Variants in HENMT1 observed in about 807,000 individuals in gnomAD.
The protein encoded by HENMT1 is HEN methyltransferase 1.
A neutral mutation model predicts 31.1 loss-of-function variants in HENMT1; 27 were observed. That is an observed-to-expected ratio of 0.87 (90% CI 0.64 to 1.20). The LOEUF is 1.20. HENMT1 is among the 50% of genes most tolerant of loss of function. The pLI, the probability that HENMT1 is intolerant of heterozygous loss-of-function variation, is 0.00. For synonymous variants in HENMT1, 167 were observed against 172.2 expected (o/e 0.97, Z 0.24); for missense variants, 438 against 469.6 (o/e 0.93, Z 0.62).
At chr1:108,649,854 A>G (rs965531785) in intron 7 of HENMT1, 7 of 361,648 alleles carry the variant, frequency 1.9e-5, no homozygotes, top group Non-Finnish European at 3.7e-5. Context: ...AGATCTCACT[A>G]TGTTGTCCAG....
intron 1 of HENMT1, among the ~76,000 whole-genome samples, chr1:108,660,248 C>A (rs1658408730): frequency 6.6e-6 from 1 of 151,992 alleles, no homozygotes; most frequent in African/African-American, 2.4e-5. Flanking sequence ...CAGAATGTAT[C>A]CAGTATTTTT....
In HENMT1 at chr1:108,650,287, C is replaced by T. The variant is rs1658011258; in HGVS notation, c.680G>A (p.Gly227Glu). ...CTTTCCTCCATTTTTCCGGAAGATT[C>T]CTATCTGGGTACAGTATCCAACATT... The part of the protein sequence containing the change: ...AENVGYCTQI[G>E]IFRKNGGKAT... Residue 227 changes from glycine to glutamate, a missense_variant, in exon 7 of 8, where the codon GGA becomes GAA. By Grantham distance (98) the Gly-to-Glu change is moderately conservative (BLOSUM62 -2). Transcript: ENST00000651461. 1.2e-6 allele frequency: 2 copies of T among 1,614,122 alleles called. No homozygotes were observed. The highest frequency in any genetic ancestry group is 1.7e-6 in the Non-Finnish European group (2 of 1,179,988).
At position 108,650,404 on chromosome 1, in the gene HENMT1, G is replaced by T. The variant is rs1658015816; in HGVS notation, c.579-16C>A. 1 of 1,598,840 alleles carries T rather than the reference G, an allele frequency of 6.3e-7. No individual in the cohort carries two copies. The highest frequency in any genetic ancestry group is 8.5e-7 in the Non-Finnish European group (1 of 1,173,780). Reference sequence around the variant, plus strand: ...ATATAAAGCCCTGAAACCAAAACGAGGACAGCAATCATTTTTCTAAATGTA... The same window carrying T: ...ATATAAAGCCCTGAAACCAAAACGATGACAGCAATCATTTTTCTAAATGTA... On this transcript the variant is annotated splice_polypyrimidine_tract_variant and intron_variant, in intron 6 of 7. Coordinates refer to ENST00000651461, the MANE Select transcript of HENMT1 (RefSeq NM_001102592.2).
intron 7 of HENMT1, chr1:108,649,483 G>T (rs1282003575): frequency 2.4e-6 from 1 of 423,772 alleles, no homozygotes; most frequent in Non-Finnish European, 4.7e-6. Context: ...GAGCATGGTG[G>T]TGCACGCCTG....
rs1205946240 is a variant in HENMT1, at chr1:108,661,093, C to G, written c.-209G>C. Reference sequence around the variant, plus strand: ...CTCAACTCAGCGCCGCCCTGACGCCCGCGCACGCACGGCCTCGCTGCGTGA... The same window carrying G: ...CTCAACTCAGCGCCGCCCTGACGCCGGCGCACGCACGGCCTCGCTGCGTGA... On this transcript the variant is annotated 5_prime_UTR_variant, in exon 1 of 8. Coordinates refer to ENST00000651461, the MANE Select transcript of HENMT1 (RefSeq NM_001102592.2). 1.5e-6 allele frequency: 1 copy of G among 685,464 alleles called. No homozygotes were observed. Among genetic ancestry groups the G allele is most frequent in the East Asian group, 1.3e-4 (1 of 7,470 alleles). 42.5% of individuals were successfully genotyped at this position (685,464 alleles called of 1,614,324 possible). A position where few individuals can be genotyped will look rare whatever the true frequency, so the allele number is the denominator to read the frequency against.
chr1:108,649,112 A>T (rs1657968585), intron 7 of HENMT1, 121 bp from the exon 8 acceptor site: 1 of 725,982 alleles, frequency 1.4e-6, no homozygotes, highest in Admixed American at 2.9e-5. Context: ...TATATGTCAG[A>T]TCCTACTAAT....
At chr1:108,657,638 A>G in intron 2 of HENMT1, 59 bp from the exon 3 acceptor site, 10 of 1,529,440 alleles carry the variant, frequency 6.5e-6, no homozygotes. Flanking sequence ...CAGAAATTAA[A>G]TAAGGGGCAA....
In HENMT1 at chr1:108,648,521, C is replaced by T. The variant is rs1415247420; in HGVS notation, c.*45G>A. The T allele has an allele frequency of 2.0e-6, 3 of 1,517,916 alleles. No homozygotes were observed. Among genetic ancestry groups the T allele is most frequent in the Non-Finnish European group, 2.7e-6 (3 of 1,110,278 alleles). The allele number at this position is 1,517,916 out of a possible 1,614,324, so 94.0% of individuals were successfully genotyped here. ...CAAAAAAAACTAAATTCTAAGTGAG[C>T]ACAACTATCGCTGAGACCCTGAAAT... On this transcript the variant is annotated 3_prime_UTR_variant, in exon 8 of 8. Transcript: ENST00000651461.
At position 108,650,351 on chromosome 1, in the gene HENMT1, C is replaced by G. The variant is rs780173037; in HGVS notation, c.616G>C (p.Glu206Gln). 3 of 1,614,136 alleles carry G rather than the reference C, an allele frequency of 1.9e-6. No individual in the cohort carries two copies. Among genetic ancestry groups the G allele is most frequent in the Non-Finnish European group, 2.5e-6 (3 of 1,180,024 alleles). Reference protein sequence around the residue: ...YVANRYDYSVEFTGVGEPPAG... With the variant: ...YVANRYDYSVQFTGVGEPPAG... ...GGTGGTTCCCCGACACCAGTAAACT[C>G]CACAGAGTAATCATAGCGATTTGCC... The change falls in exon 7 of 8, where the codon GAG becomes CAG. Residue 206 changes from glutamate to glutamine, a missense_variant. Transcript: ENST00000651461.
intron 1 of HENMT1, 58 bp downstream of exon 1, chr1:108,660,905 C>G (rs1570642531): frequency 1.2e-6 from 1 of 836,662 alleles, no homozygotes; most frequent in Admixed American, 6.4e-5. Context: ...GCCTGGGCGA[C>G]AGAGCGAGAC....
chr1:108,659,363 TAA>T (rs1008025460), intron 2 of HENMT1, among the ~76,000 whole-genome samples: 1 of 144,290 alleles, frequency 6.9e-6, no homozygotes, highest in Non-Finnish European at 1.5e-5. Flanking sequence ...GACCCTGTCT[TAA>T]AAAAAAAAAA....
At position 108,648,329 on chromosome 1, in the gene HENMT1, G is replaced by A. The variant is rs772142331; in HGVS notation, c.*237C>T. The A allele has an allele frequency of 7.6e-5, 39 of 515,554 alleles. No homozygotes were observed. Among genetic ancestry groups the A allele is most frequent in the Admixed American group, 1.1e-4 (3 of 27,026 alleles). The allele number at this position is 515,554 out of a possible 1,614,324, so 31.9% of individuals were successfully genotyped here. ...TACCACATCCAACTTCTTTATTCTT[G>A]AGAAAACAAAAAAGTCCAAAATCAA... On this transcript the variant is annotated 3_prime_UTR_variant, in exon 8 of 8. Transcript: ENST00000651461.
chr1:108,650,921 T>C (rs1443679231), intron 6 of HENMT1, 109 bp downstream of exon 6: 15 of 746,264 alleles, frequency 2.0e-5, no homozygotes, highest in Non-Finnish European at 3.0e-5. Context: ...TCAATTTTAT[T>C]GGAAGAAAGT....
rs1273871153 is a variant in HENMT1, at chr1:108,655,642, T to C, written c.207A>G (p.Pro69=). The C allele has an allele frequency of 6.2e-7, 1 of 1,612,818 alleles. No homozygotes were observed. The highest frequency in any genetic ancestry group is 1.7e-5 in the Admixed American group (1 of 59,704). Residue 69 remains proline (P), a synonymous_variant, in exon 4 of 8, where the codon CCA becomes CCG. Coordinates refer to ENST00000651461, the MANE Select transcript of HENMT1 (RefSeq NM_001102592.2). ...TSLLRLLKVN[P]CIELLVGVDI... is the part of the protein sequence containing the mutation. ...CTACTCCAACAAGCAATTCAATGCA[T>C]GGATTGACTTTTAGCAGCCTTAAGA...
intron 6 of HENMT1, 39 bp from the exon 7 acceptor site, chr1:108,650,427 G>A (rs1282685593): frequency 2.6e-6 from 4 of 1,566,124 alleles, no homozygotes; most frequent in South Asian, 1.2e-5. Context: ...TTTTCTAAAT[G>A]TAGAGCTACT....
rs1054458731 is a variant in HENMT1, at chr1:108,657,489, A to G, written c.112T>C (p.Phe38Leu). The G allele has an allele frequency of 9.9e-6, 16 of 1,609,700 alleles. No individual in the cohort carries two copies. The highest frequency in any genetic ancestry group is 1.3e-5 in the African/African-American group (1 of 74,744). ...TGTTGATCCACTAAATTTTTAACGA[A>G]CTGGTACCGCTGTCTGTATAGTGGA... The part of the protein sequence containing the change: ...KPPLYRQRYQ[F>L]VKNLVDQHEP... Residue 38 changes from phenylalanine (F) to leucine (L), a missense_variant, in exon 3 of 8, where the codon TTC (phenylalanine) becomes CTC (leucine). Coordinates refer to ENST00000651461, the MANE Select transcript of HENMT1 (RefSeq NM_001102592.2).
At chr1:108,651,322 AAT>A in intron 5 of HENMT1, 113 bp from the exon 6 acceptor site, 1 of 822,448 alleles carries the variant, frequency 1.2e-6, no homozygotes, top group Non-Finnish European at 1.9e-6. Context: ...CCCTTCTTTG[AAT>A]ATGTAATAAT....
In HENMT1 at chr1:108,648,418, C is replaced by G. The variant is rs1243365426; in HGVS notation, c.*148G>C. On this transcript the variant is annotated 3_prime_UTR_variant, in exon 8 of 8. Coordinates refer to ENST00000651461, the MANE Select transcript of HENMT1 (RefSeq NM_001102592.2). Reference sequence around the variant, plus strand: ...GGCTCACTGCAGTCTGGCCATATCTCAAGCAGGTCTGTCCAATGGCTTGGA... The same window carrying G: ...GGCTCACTGCAGTCTGGCCATATCTGAAGCAGGTCTGTCCAATGGCTTGGA... 3.0e-6 allele frequency: 2 copies of G among 672,796 alleles called. No homozygotes were observed. Among genetic ancestry groups the G allele is most frequent in the Non-Finnish European group, 5.0e-6 (2 of 403,508 alleles). 41.7% of individuals were successfully genotyped at this position (672,796 alleles called of 1,614,324 possible).
chr1:108,649,437 C>G (rs760670029), intron 7 of HENMT1: 3 of 435,250 alleles, frequency 6.9e-6, no homozygotes, highest in South Asian at 4.9e-5. Context: ...CCTGTCTCTA[C>G]GGAAAAAAAA....
Sources: gnomAD v4.1 joint callset for allele counts (sites outside exome capture counted in the v4.1 genomes callset) on GRCh38, gnomAD v4.1.1 for gene constraint, MANE v1.5 for transcripts, NCBI Gene and HGNC (gene_info 2026-07-23, HGNC 2026-07-21) for gene names.